The following PHLDB1 variants were observed in gnomAD, a reference collection of about 807,000 sequenced individuals.
The protein encoded by PHLDB1 is pleckstrin homology-like domain family B member 1.
PHLDB1 carries 65 observed loss-of-function variants against 139.3 expected under a neutral mutation model. The ratio of observed to expected loss-of-function variants is 0.47; its 90% confidence interval spans 0.38 to 0.57. The LOEUF (loss-of-function observed/expected upper bound fraction) is 0.57, where lower values mean the gene tolerates loss of function less well. PHLDB1 is among the 20% of genes least tolerant of loss of function. The probability of loss-of-function intolerance (pLI) is 0.00; values close to 1 mark genes in which losing one functional copy is unlikely to be tolerated. For synonymous variants in PHLDB1, 679 were observed against 734.5 expected, an observed-to-expected ratio of 0.92 and a Z score of 1.22; for missense variants, 1,624 against 1,839.7, an observed-to-expected ratio of 0.88 and a Z score of 2.14.
chr11:118,617,714 C>T (rs1004924630), intron 4 of PHLDB1, among the ~76,000 whole-genome samples: 7 of 152,018 alleles, frequency 4.6e-5, no homozygotes, highest in Admixed American at 3.9e-4. Context: ...GAGGCAGGTC[C>T]ACCAGCAGCA....
chr11:118,616,810 C>T (rs1269374111), intron 4 of PHLDB1, among the ~76,000 whole-genome samples: 1 of 152,054 alleles, frequency 6.6e-6, no homozygotes, highest in Non-Finnish European at 1.5e-5. Flanking sequence ...TTTGGTAGGC[C>T]GAGGTGGGTG....
At position 118,632,358 on chromosome 11, in the gene PHLDB1, G is replaced by A. The variant is rs1163766610; in HGVS notation, c.2379+62G>A. 130 of 1,526,146 alleles carry A rather than the reference G, an allele frequency of 8.5e-5. No individual in the cohort carries two copies. The highest frequency in any genetic ancestry group is 1.1e-4 in the Non-Finnish European group (125 of 1,103,738). The allele number at this position is 1,526,146 out of a possible 1,614,324, so 94.5% of individuals were successfully genotyped here. On this transcript the variant is annotated intron_variant, in intron 9 of 22. Coordinates refer to ENST00000600882, the MANE Select transcript of PHLDB1 (RefSeq NM_001144758.3). The surrounding 1 kb of genome is among the most constrained non-coding windows in gnomAD (Gnocchi z 5.9). ...AGTGGCCTGGGAGAGAAGGAGAAAT[G>A]TCTTCTCTGGGGCCCTGTACCCTTC... is the stretch of plus-strand genomic sequence containing the variant.
At chr11:118,648,270 TGTGTGTGTG>T (rs1403193524) in intron 18 of PHLDB1, among the ~76,000 whole-genome samples, 194 bp downstream of exon 18, 78 of 3,088 alleles carry the variant, frequency 0.025, no homozygotes, top group East Asian at 0.062. Flanking sequence ...CTATTCAAGT[TGTGTGTGTG>T]TGTGTGTGTG....
chr11:118,616,214 A>T lies in PHLDB1; in HGVS notation c.355+3A>T, dbSNP rs782402625. On this transcript the variant is annotated splice_donor_region_variant and intron_variant, in intron 4 of 22. Transcript: ENST00000600882. The stretch of plus-strand genomic sequence containing the variant: ...GCAGCCTACCCGGCTCACTCAGGGT[A>T]AGGCTGGACACCTCCAGATGGAGGG... 1 of 1,613,324 alleles carries T rather than the reference A, an allele frequency of 6.2e-7. No homozygotes were observed. The highest frequency in any genetic ancestry group is 1.1e-5 in the South Asian group (1 of 91,050).
At chr11:118,618,854 C>T (rs1362345364) in intron 4 of PHLDB1, among the ~76,000 whole-genome samples, 1 of 151,622 alleles carries the variant, frequency 6.6e-6, no homozygotes, top group African/African-American at 2.4e-5. Context: ...GAGAGACACA[C>T]TTCATGACAA....
At chr11:118,630,677 T>C (rs1372767843) in intron 6 of PHLDB1, among the ~76,000 whole-genome samples, 4 of 152,148 alleles carry the variant, frequency 2.6e-5, no homozygotes, top group Non-Finnish European at 5.9e-5. Flanking sequence ...TACTTGCCTA[T>C]TAATGCAGGG....
chr11:118,623,742 GT>G (rs540037720), intron 4 of PHLDB1, among the ~76,000 whole-genome samples: 2 of 151,350 alleles, frequency 1.3e-5, no homozygotes, highest in African/African-American at 2.4e-5. Context: ...CCCTATCTCA[GT>G]TTTTTTTTGT....
chr11:118,639,436 G>A lies in PHLDB1; in HGVS notation c.2736+185G>A, dbSNP rs1001600783. On this transcript the variant is annotated intron_variant, in intron 12 of 22. Coordinates refer to ENST00000600882, the MANE Select transcript of PHLDB1 (RefSeq NM_001144758.3). ...TTTTCCATGGCTGCCAGCTGCCTCT[G>A]TTTAGTTGCCTCTGGGGTTCCCAGG... is the stretch of plus-strand genomic sequence containing the variant. The A allele has an allele frequency of 1.4e-5, 8 of 576,132 alleles. No homozygotes were observed. The African/African-American group carries it at 1.5e-4, about 11-fold the overall frequency. The allele number at this position is 576,132 out of a possible 1,614,324, so 35.7% of individuals were successfully genotyped here. A position where few individuals can be genotyped will look rare whatever the true frequency, so the allele number is the denominator to read the frequency against.
intron 20 of PHLDB1, chr11:118,654,379 G>A (rs1322745154): frequency 2.0e-5 from 3 of 152,172 alleles, no homozygotes; most frequent in East Asian, 1.9e-4. Flanking sequence ...AAGGGAGTGT[G>A]CTTCCTATCT....
Position 118,650,499 on chromosome 11 carries a change from C to T in PHLDB1, c.3826C>T (p.Arg1276Cys), listed in dbSNP as rs1555135420. 10 of 1,614,116 alleles carry T rather than the reference C, an allele frequency of 6.2e-6. No homozygotes were observed. Among genetic ancestry groups the T allele is most frequent in the South Asian group, 1.1e-5 (1 of 91,086 alleles). The change falls in exon 20 of 23, where the codon CGC becomes TGC. Residue 1276 changes from arginine to cysteine, a missense_variant. Arg to Cys is a radical substitution (Grantham distance 180, BLOSUM62 -3). Coordinates refer to ENST00000600882, the MANE Select transcript of PHLDB1 (RefSeq NM_001144758.3). This position sits in a 1 kb window ranked among gnomAD's most constrained non-coding sequence, Gnocchi z 4.7. ...MGGKIKSWKK[R>C]WFVFDRLKRT... is the part of the protein sequence containing the mutation. The stretch of plus-strand genomic sequence containing the variant: ...CGGCAAGATTAAATCATGGAAGAAG[C>T]GCTGGTTTGTCTTCGACCGGCTCAA...
chr11:118,649,630 T>C (rs1555133841), intron 18 of PHLDB1, among the ~76,000 whole-genome samples: 1 of 152,200 alleles, frequency 6.6e-6, no homozygotes, highest in African/African-American at 2.4e-5. Context: ...TTAGTAATTA[T>C]CTAGTTCAAA....
rs149451690 is a variant in PHLDB1, at chr11:118,645,737, C to T, written c.3419C>T (p.Ala1140Val). The T allele has an allele frequency of 4.5e-5, 72 of 1,613,432 alleles. No individual in the cohort carries two copies. The Admixed American group carries it at 6.5e-4, about 15-fold the overall frequency. The change falls in exon 17 of 23, where the codon GCG becomes GTG. Residue 1140 changes from alanine (A) to valine (V), a missense_variant and splice_region_variant. Coordinates refer to ENST00000600882, the MANE Select transcript of PHLDB1 (RefSeq NM_001144758.3). The surrounding 1 kb of genome is among the most constrained non-coding windows in gnomAD (Gnocchi z 5.1). The part of the protein sequence containing the change: ...SACSPDNMSS[A>V]SGLDMGKIEE... Reference sequence around the variant, plus strand: ...TCCTCTTCCCCTTCTCTCCCCAGCGCGAGTGGTCTGGACATGGGGAAGATC... The same window carrying T: ...TCCTCTTCCCCTTCTCTCCCCAGCGTGAGTGGTCTGGACATGGGGAAGATC...
Position 118,611,224 on chromosome 11 carries a change from G to A in PHLDB1, c.-21-2592G>A, listed in dbSNP as rs1371236193. Among the ~76,000 whole-genome samples the A allele has an allele frequency of 6.6e-6, 1 of 152,226 alleles. No individual in the cohort carries two copies. Among genetic ancestry groups the A allele is most frequent in the African/African-American group, 2.4e-5 (1 of 41,466 alleles). ...GCCTGAGTGCAGGGCAGGTTGGCCT[G>A]GTGTCTCTTTCCACTTCTCTTGGAT... On this transcript the variant is annotated intron_variant, in intron 1 of 22. Coordinates refer to ENST00000600882, the MANE Select transcript of PHLDB1 (RefSeq NM_001144758.3). The surrounding 1 kb of genome is among the most constrained non-coding windows in gnomAD (Gnocchi z 4.7).
chr11:118,652,479 T>C (rs1204939188), intron 20 of PHLDB1: 1 of 152,256 alleles, frequency 6.6e-6, no homozygotes, highest in East Asian at 1.9e-4. Flanking sequence ...AGATCACCTT[T>C]ATCAAGCACT....
At chr11:118,642,671 G>A (rs1256869055) in intron 13 of PHLDB1, among the ~76,000 whole-genome samples, 1 of 152,252 alleles carries the variant, frequency 6.6e-6, no homozygotes, top group East Asian at 1.9e-4. Flanking sequence ...TCTGTTTGGT[G>A]CCCTGTGCTG....
At position 118,657,265 on chromosome 11, in the gene PHLDB1, C is replaced by T. The variant is rs1185861436; in HGVS notation, c.*442C>T. On this transcript the variant is annotated 3_prime_UTR_variant, in exon 23 of 23. Transcript: ENST00000600882. ...AACCCCGCTCTGCCCCATTGTTCTC[C>T]TTTCCCTTATACTTTTTATTACCTT... 6.3e-6 allele frequency: 1 copy of T among 159,748 alleles called. No individual in the cohort carries two copies. The highest frequency in any genetic ancestry group is 2.4e-5 in the African/African-American group (1 of 41,560). The allele number at this position is 159,748 out of a possible 1,614,324, so 9.9% of individuals were successfully genotyped here.
intron 10 of PHLDB1, among the ~76,000 whole-genome samples, chr11:118,635,811 C>T (rs1451631185): frequency 6.6e-6 from 1 of 152,212 alleles, no homozygotes; most frequent in Non-Finnish European, 1.5e-5. Context: ...ATTCTGCTCC[C>T]ATTCAGAGCT....
chr11:118,636,595 C>G (rs964360131), intron 10 of PHLDB1: 4 of 152,174 alleles, frequency 2.6e-5, no homozygotes, highest in Non-Finnish European at 5.9e-5. Flanking sequence ...TATCACAAGA[C>G]AAGTGCTGTT....
At chr11:118,655,796 G>A in intron 21 of PHLDB1, 64 bp from the exon 22 acceptor site, 16 of 1,521,862 alleles carry the variant, frequency 1.1e-5, no homozygotes, top group Non-Finnish European at 1.5e-5. Flanking sequence ...CTCTACAGAG[G>A]CTCCAACCCA....
Sources: allele counts gnomAD v4.1 joint callset (sites outside exome capture counted in the v4.1 genomes callset), GRCh38; gene constraint gnomAD v4.1.1; non-coding constraint Gnocchi (gnomAD v3.1); transcripts MANE v1.5; gene names NCBI Gene and HGNC (gene_info 2026-07-23, HGNC 2026-07-21).